The following TRPV1 variants were observed in gnomAD, a reference collection of about 807,000 sequenced individuals.
TRPV1 encodes the protein OTRPC1.
A neutral mutation model predicts 82.3 loss-of-function variants in TRPV1; 82 were observed. The ratio of observed to expected loss-of-function variants is 1.00; its 90% CI spans 0.83 to 1.20. The LOEUF is 1.20. Ranked by LOEUF, TRPV1 falls within the 50% of genes most tolerant of loss-of-function variation. The pLI, the probability that TRPV1 is intolerant of heterozygous loss-of-function variation, is 0.00. For missense variants in TRPV1, 1,067 were observed against 1,096.8 expected, an observed-to-expected ratio of 0.97 and a Z score of 0.38; for synonymous variants, 515 against 467.7, an observed-to-expected ratio of 1.10 and a Z score of -1.30.
chr17:3,601,758 G>A (rs1333211015), intron 2 of TRPV1: 2 of 130,038 alleles, frequency 1.5e-5, no homozygotes, highest in African/African-American at 2.9e-5. Context: ...CACCACGCTC[G>A]GATTTTTTTT....
intron 13 of TRPV1, among the ~76,000 whole-genome samples, chr17:3,575,375 T>C (rs224520): frequency 0.89 from 135,864 of 151,968 alleles, 62,687 homozygotes; most frequent in East Asian, 1. Context: ...CCCAGCTACC[T>C]GGAAGGCTGA....
chr17:3,573,532 G>GGCCCCCC lies in TRPV1; in HGVS notation c.2103+100_2103+101insGGGGGGC, dbSNP rs1567658951. The GGCCCCCC allele has an allele frequency of 1.0e-4, 26 of 259,790 alleles. 9 individuals are homozygous for GGCCCCCC. Among genetic ancestry groups the GGCCCCCC allele is most frequent in the Non-Finnish European group, 1.4e-4 (18 of 131,238 alleles). 16.1% of individuals were successfully genotyped at this position (259,790 alleles called of 1,614,324 possible). The stretch of plus-strand genomic sequence containing the variant: ...GCCCATACCCTCCTGGCCACACACC[G>GGCCCCCC]CCCCCACCACCCACCCACCTGCAGC... On this transcript the variant is annotated intron_variant, in intron 14 of 16. Transcript: ENST00000572705.
At chr17:3,584,243 AAC>A (rs1484358742) in intron 9 of TRPV1, among the ~76,000 whole-genome samples, 2 of 150,786 alleles carry the variant, frequency 1.3e-5, no homozygotes, top group Non-Finnish European at 1.5e-5. Flanking sequence ...CAGCCTGGGC[AAC>A]AGAGCGAGAC....
intron 16 of TRPV1, among the ~76,000 whole-genome samples, chr17:3,570,584 T>C (rs1046718546): frequency 4.2e-4 from 64 of 152,262 alleles, no homozygotes; most frequent in African/African-American, 1.4e-3. Flanking sequence ...ATTTGTCCAC[T>C]ATAAACTATG....
chr17:3,578,100 C>G (rs879612627), intron 11 of TRPV1: 7 of 184,936 alleles, frequency 3.8e-5, no homozygotes, highest in African/African-American at 1.6e-4. Context: ...GTCAGGAGTT[C>G]GAGGCCAGCC....
Position 3,582,189 on chromosome 17 carries a change from C to CAAAA in TRPV1, c.1476+1145_1476+1148dup, listed in dbSNP as rs71153376. Among the ~76,000 whole-genome samples the CAAAA allele has an allele frequency of 2.3e-4, 6 of 25,906 alleles. 1 individual carries two copies. The highest frequency in any genetic ancestry group is 7.0e-4 in the Admixed American group (1 of 1,424). 17.0% of individuals were successfully genotyped at this position (25,906 alleles called of 152,430 possible). ...TGGGCGAAAGAGTGAGACTCCATCT[C>CAAAA]AAAAAAAAAAAAAAAAAAAAAAAAA... On this transcript the variant is annotated intron_variant, in intron 10 of 16. Coordinates refer to ENST00000572705, the MANE Select transcript of TRPV1 (RefSeq NM_080704.4).
At chr17:3,579,925 G>A (rs1286170301) in intron 11 of TRPV1, among the ~76,000 whole-genome samples, 1 of 145,632 alleles carries the variant, frequency 6.9e-6, no homozygotes, top group Non-Finnish European at 1.5e-5. Context: ...AAGACTGGGG[G>A]ATGGGGAAGC....
chr17:3,569,805 A>T (rs532427525), intron 16 of TRPV1, among the ~76,000 whole-genome samples: 1 of 152,240 alleles, frequency 6.6e-6, no homozygotes, highest in South Asian at 2.1e-4. Flanking sequence ...GGTGTTAAGA[A>T]GGTCTCTGGG....
rs563996594 is a variant in TRPV1, at chr17:3,607,134, G to A, written c.-34+1293C>T. 4.6e-5 allele frequency among the ~76,000 whole-genome samples: 7 copies of A among 152,254 alleles called. No homozygotes were observed. The East Asian group carries it at 9.6e-4, about 21-fold the overall frequency. On this transcript the variant is annotated intron_variant, in intron 2 of 16. Coordinates refer to ENST00000572705, the MANE Select transcript of TRPV1 (RefSeq NM_080704.4). Reference sequence around the variant, plus strand: ...AGGCTGAGGCAGGTGGATCACCTGAGGTCAGGAGTTCAAGACCAGGCCAAC... The same window carrying A: ...AGGCTGAGGCAGGTGGATCACCTGAAGTCAGGAGTTCAAGACCAGGCCAAC...
chr17:3,581,861 G>A (rs1189394524), intron 10 of TRPV1, among the ~76,000 whole-genome samples: 2 of 143,194 alleles, frequency 1.4e-5, no homozygotes, highest in Admixed American at 7.3e-5. Context: ...CTCCAGCCTG[G>A]GCAACTAAGC....
chr17:3,595,307 A>G (rs533545949), intron 2 of TRPV1, among the ~76,000 whole-genome samples: 76 of 152,310 alleles, frequency 5.0e-4, no homozygotes, highest in African/African-American at 1.7e-3. Context: ...CCGAGGTCAC[A>G]CAGTCAGAGA....
chr17:3,585,664 C>T (rs945583403), intron 9 of TRPV1, 104 bp downstream of exon 9: 33 of 1,413,618 alleles, frequency 2.3e-5, no homozygotes, highest in Non-Finnish European at 3.2e-5. Flanking sequence ...GGAAGGAGTC[C>T]AGGGCAGAGC....
At chr17:3,585,207 G>A (rs1160957953) in intron 9 of TRPV1, 1 of 152,200 alleles carries the variant, frequency 6.6e-6, no homozygotes, top group Non-Finnish European at 1.5e-5. Flanking sequence ...CTGGAGTGCA[G>A]TGGTGCCATC....
chr17:3,585,477 C>T (rs2075072655), intron 9 of TRPV1: 2 of 349,330 alleles, frequency 5.7e-6, no homozygotes, highest in Non-Finnish European at 5.4e-6. Context: ...CCGAGTACAC[C>T]CCGTCTACAA....
chr17:3,603,336 C>T (rs1456793613), intron 2 of TRPV1, among the ~76,000 whole-genome samples: 4 of 152,072 alleles, frequency 2.6e-5, no homozygotes, highest in African/African-American at 9.7e-5. Context: ...AACGCTGGAG[C>T]CCCGCTCTGC....
intron 2 of TRPV1, among the ~76,000 whole-genome samples, chr17:3,593,451 A>G (rs2075187185): frequency 6.6e-6 from 1 of 151,636 alleles, no homozygotes; most frequent in Admixed American, 6.6e-5. Context: ...CCCCATCCCC[A>G]TGCTTCCCCT....
chr17:3,577,296 G>T, intron 12 of TRPV1, 104 bp from the exon 13 acceptor site: 1 of 1,280,990 alleles, frequency 7.8e-7, no homozygotes, highest in Non-Finnish European at 1.1e-6. Context: ...GAACGTGCAG[G>T]GCGGTTTGCT....
intron 2 of TRPV1, among the ~76,000 whole-genome samples, chr17:3,607,495 A>G (rs897593564): frequency 1.3e-5 from 2 of 152,176 alleles, no homozygotes; most frequent in Admixed American, 6.5e-5. Context: ...TAATTTACAA[A>G]TTAGGCACAG....
chr17:3,590,900 A>G, intron 5 of TRPV1, 64 bp downstream of exon 5: 1 of 1,483,930 alleles, frequency 6.7e-7, no homozygotes, highest in Non-Finnish European at 8.9e-7. Context: ...CCCAGGGACA[A>G]CCATGCCCCC....
Sources: allele counts gnomAD v4.1 joint callset (sites outside exome capture counted in the v4.1 genomes callset), GRCh38; gene constraint gnomAD v4.1.1; transcripts MANE v1.5; gene names NCBI Gene and HGNC (gene_info 2026-07-23, HGNC 2026-07-21).